RASGRF2: variants seen among roughly 807,000 people sequenced by gnomAD.
RASGRF2 encodes ras-specific guanine nucleotide-releasing factor 2.
Under a neutral mutation model 151.0 loss-of-function variants are expected in RASGRF2, and 76 were observed. The ratio of observed to expected loss-of-function variants is 0.50; its 90% CI spans 0.42 to 0.61. The LOEUF (loss-of-function observed/expected upper bound fraction) is 0.61, where lower values mean the gene tolerates loss of function less well. Among genes scored for constraint, RASGRF2 ranks in the 20% least tolerant of loss-of-function variants. The pLI is 0.00. For synonymous variants in RASGRF2, 504 were observed against 566.5 expected, an observed-to-expected ratio of 0.89 and a Z score of 1.57; for missense variants, 1,148 against 1,564.6, an observed-to-expected ratio of 0.73 and a Z score of 4.49.
At chr5:81,129,686 C>G (rs153240) in intron 17 of RASGRF2, among the ~76,000 whole-genome samples, 63,292 of 151,976 alleles carry the variant, frequency 0.42, 15,275 homozygotes, top group African/African-American at 0.67. Flanking sequence ...CTGTAACAGT[C>G]AACATTTTGG....
At chr5:81,025,807 G>A (rs982626227) in intron 1 of RASGRF2, among the ~76,000 whole-genome samples, 7 of 152,164 alleles carry the variant, frequency 4.6e-5, no homozygotes, top group South Asian at 2.1e-4. Flanking sequence ...CCACTGGAGG[G>A]AAAGGATCTC....
chr5:81,043,448 C>A (rs1750740967), intron 2 of RASGRF2, among the ~76,000 whole-genome samples: 1 of 152,160 alleles, frequency 6.6e-6, no homozygotes, highest in African/African-American at 2.4e-5. Flanking sequence ...GTAAACCCTG[C>A]TCTGTGCACC....
At chr5:81,037,408 A>T (rs112895600) in intron 1 of RASGRF2, among the ~76,000 whole-genome samples, 7 of 152,218 alleles carry the variant, frequency 4.6e-5, no homozygotes, top group Admixed American at 1.3e-4. Context: ...GGCAACTTCA[A>T]TGCTATCCTA....
chr5:81,006,975 G>A (rs1473166302), intron 1 of RASGRF2, among the ~76,000 whole-genome samples: 1 of 152,012 alleles, frequency 6.6e-6, no homozygotes, highest in Admixed American at 6.6e-5. Context: ...CCTAAAAATG[G>A]TTTACTAACC....
At chr5:80,973,889 G>A (rs1418847678) in intron 1 of RASGRF2, among the ~76,000 whole-genome samples, 2 of 152,208 alleles carry the variant, frequency 1.3e-5, no homozygotes, top group African/African-American at 2.4e-5. Flanking sequence ...AGCTACAATG[G>A]TGTGGCTGGA....
At chr5:81,143,119 A>G (rs1190909115) in intron 17 of RASGRF2, among the ~76,000 whole-genome samples, 2 of 152,210 alleles carry the variant, frequency 1.3e-5, no homozygotes, top group Non-Finnish European at 2.9e-5. Flanking sequence ...AGGACTTCTG[A>G]TTCTTTGAAG....
intron 1 of RASGRF2, among the ~76,000 whole-genome samples, chr5:80,986,355 C>T (rs1273865871): frequency 1.3e-5 from 2 of 152,238 alleles, no homozygotes; most frequent in Non-Finnish European, 2.9e-5. Context: ...GCCCCATACA[C>T]AGCTCTTATA....
chr5:81,198,209 A>G (rs1755310696), intron 18 of RASGRF2, among the ~76,000 whole-genome samples: 1 of 151,914 alleles, frequency 6.6e-6, no homozygotes, highest in African/African-American at 2.4e-5. Flanking sequence ...TATTGATCTC[A>G]TCACCCAGAT....
rs10606038 is a variant in RASGRF2 at position 81,108,834 on chromosome 5, CTGTGTGTGTGTGTG to C, written c.1756-128_1756-115del. 8.3e-3 allele frequency among the ~76,000 whole-genome samples: 1,166 copies of C among 139,900 alleles called. 12 individuals are homozygous for C. Among genetic ancestry groups the C allele is most frequent in the African/African-American group, 0.028 (1,052 of 37,744 alleles). The allele number at this position is 139,900 out of a possible 152,430, so 91.8% of individuals were successfully genotyped here. A position where few individuals can be genotyped will look rare whatever the true frequency, so the allele number is the denominator to read the frequency against. On this transcript the variant is annotated intron_variant, in intron 12 of 26. Coordinates refer to ENST00000265080, the MANE Select transcript of RASGRF2 (RefSeq NM_006909.3). ...CATCAGTGTATAATATTTACCTACT[CTGTGTGTGTGTGTG>C]TGTGTGTGTGTGTGTGTGTGTGTGT... is the stretch of plus-strand genomic sequence containing the variant.
intron 18 of RASGRF2, among the ~76,000 whole-genome samples, chr5:81,182,134 A>T (rs992083460): frequency 2.6e-5 from 4 of 152,158 alleles, no homozygotes; most frequent in Non-Finnish European, 5.9e-5. Flanking sequence ...AAGCTTGTCC[A>T]TCTCCAATTC....
intron 9 of RASGRF2, chr5:81,087,574 T>C: frequency 3.5e-6 from 2 of 565,550 alleles, no homozygotes; most frequent in East Asian, 5.6e-5. Context: ...GTTGAAGATA[T>C]TTGTGCCGGA....
At chr5:81,214,502 G>A (rs551064501) in intron 23 of RASGRF2, among the ~76,000 whole-genome samples, 59 of 152,330 alleles carry the variant, frequency 3.9e-4, no homozygotes, top group African/African-American at 1.3e-3. Context: ...CTGCACTCTG[G>A]AACCCACAGA....
chr5:81,209,603 C>T (rs964066392), intron 22 of RASGRF2, among the ~76,000 whole-genome samples: 3 of 152,144 alleles, frequency 2.0e-5, no homozygotes, highest in East Asian at 1.9e-4. Flanking sequence ...GCTTCAGTGC[C>T]GCTGCTGCCT....
intron 1 of RASGRF2, among the ~76,000 whole-genome samples, chr5:81,008,728 C>T (rs1174920079): frequency 6.6e-6 from 1 of 152,100 alleles, no homozygotes; most frequent in Non-Finnish European, 1.5e-5. Flanking sequence ...CACCTCCTGT[C>T]TCTTAGGCTG....
chr5:81,048,521 G>A lies in RASGRF2; in HGVS notation c.395+5538G>A, dbSNP rs139360590. 4.6e-5 allele frequency among the ~76,000 whole-genome samples: 7 copies of A among 152,260 alleles called. No individual in the cohort carries two copies. In the East Asian group the frequency reaches 9.7e-4, roughly 21 times the overall value. On this transcript the variant is annotated intron_variant, in intron 2 of 26. Transcript: ENST00000265080. Reference sequence around the variant, plus strand: ...ATTTTAATACTTTGTTAATACTTTCGTCAGCTGTCTTTCCAACTTCTCAGT... The same window carrying A: ...ATTTTAATACTTTGTTAATACTTTCATCAGCTGTCTTTCCAACTTCTCAGT...
chr5:81,036,910 G>C (rs1202517276), intron 1 of RASGRF2, among the ~76,000 whole-genome samples: 3 of 152,152 alleles, frequency 2.0e-5, no homozygotes, highest in Non-Finnish European at 4.4e-5. Flanking sequence ...TCGTTCTCAT[G>C]CTGCTAATAA....
At chr5:80,961,436 T>G (rs1747552104) in intron 1 of RASGRF2, among the ~76,000 whole-genome samples, 1 of 152,206 alleles carries the variant, frequency 6.6e-6, no homozygotes, top group Non-Finnish European at 1.5e-5. Flanking sequence ...ATTTCTGCCA[T>G]ACCCGGCTGG....
rs192015027 is a variant in RASGRF2, at chr5:80,977,377, A to G, written c.288+16351A>G. ...GCATGATAATTTCTACCTAATAAAG[A>G]AAGTGGAATATTAAATTAACTGAGA... On this transcript the variant is annotated intron_variant, in intron 1 of 26. Transcript: ENST00000265080. Among the ~76,000 whole-genome samples the G allele has an allele frequency of 2.0e-5, 3 of 152,330 alleles. No homozygotes were observed. The East Asian group carries it at 5.8e-4, about 29-fold the overall frequency.
At chr5:80,987,338 A>G (rs1328998709) in intron 1 of RASGRF2, among the ~76,000 whole-genome samples, 1 of 152,208 alleles carries the variant, frequency 6.6e-6, no homozygotes. Context: ...TGCGGGCAGG[A>G]ACCACAGTTT....
Sources: gnomAD v4.1 joint callset for allele counts (sites outside exome capture counted in the v4.1 genomes callset) on GRCh38, gnomAD v4.1.1 for gene constraint, MANE v1.5 for transcripts, NCBI Gene and HGNC (gene_info 2026-07-23, HGNC 2026-07-21) for gene names.